PPP2CA: variants seen among roughly 807,000 people sequenced by gnomAD.
PPP2CA encodes the protein serine/threonine-protein phosphatase 2A catalytic subunit alpha isoform.
Under a neutral mutation model 38.8 loss-of-function variants are expected in PPP2CA, and 5 were observed. The observed-to-expected ratio is 0.13, with a 90% confidence interval of 0.07 to 0.27. The LOEUF is 0.27. PPP2CA is among the 10% of genes least tolerant of loss of function. The pLI, the probability that PPP2CA is intolerant of heterozygous loss-of-function variation, is 1.00. For missense variants in PPP2CA, 88 were observed against 389.7 expected (o/e 0.23, Z 6.52); for synonymous variants, 152 against 134.0 (o/e 1.13, Z -0.93).
chr5:134,200,413 A>G lies in PPP2CA; in HGVS notation c.660T>C (p.Phe220=). Residue 220 remains phenylalanine (F), a synonymous_variant, in exon 5 of 7, where the codon TTT becomes TTC. Coordinates refer to ENST00000481195, the MANE Select transcript of PPP2CA (RefSeq NM_002715.4). Reference sequence around the variant, plus strand: ...TAAATGTCTCAGAAATATCTTGCCCAAAGGTGTAACCAGCTCCTCGAGGAG... The same window carrying G: ...TAAATGTCTCAGAAATATCTTGCCCGAAGGTGTAACCAGCTCCTCGAGGAG... The part of the protein sequence containing the change: ...GISPRGAGYT[F]GQDISETFNH... 3.1e-6 allele frequency: 5 copies of G among 1,614,214 alleles called. No homozygotes were observed. The highest frequency in any genetic ancestry group is 4.2e-6 in the Non-Finnish European group (5 of 1,180,030).
At chr5:134,213,165 T>C (rs1157968742) in intron 1 of PPP2CA, among the ~76,000 whole-genome samples, 2 of 152,216 alleles carry the variant, frequency 1.3e-5, no homozygotes, top group Admixed American at 6.5e-5. Flanking sequence ...GAGAAGTCAA[T>C]GCCTGCCCTC....
chr5:134,197,590 G>GTGGTCACGGGTTTTT lies in PPP2CA; in HGVS notation c.*181_*182insAAAAACCCGTGACCA, dbSNP rs1478428828. On this transcript the variant is annotated 3_prime_UTR_variant, in exon 7 of 7. Coordinates refer to ENST00000481195, the MANE Select transcript of PPP2CA (RefSeq NM_002715.4). ...ATGCAATGAACTGGTTCATTCTAAA[G>GTGGTCACGGGTTTTT]TGGTCACGGCTGTTGATGACAAGAG... The GTGGTCACGGGTTTTT allele has an allele frequency of 1.7e-6, 1 of 580,826 alleles. No homozygotes were observed. The highest frequency in any genetic ancestry group is 2.2e-5 in the South Asian group (1 of 44,920). The allele number at this position is 580,826 out of a possible 1,614,324, so 36.0% of individuals were successfully genotyped here.
chr5:134,205,865 C>A, intron 2 of PPP2CA, 57 bp downstream of exon 2: 1 of 1,468,264 alleles, frequency 6.8e-7, no homozygotes, highest in Non-Finnish European at 9.4e-7. Flanking sequence ...GGAAAAAAAA[C>A]TTTCAAGAGG....
rs200618627 is a variant in PPP2CA at position 134,200,941 on chromosome 5, C to T, written c.576+44G>A. ...AACTTACAATTAAACTTCTCCACTCCCTAATAAGTTTTCTGAAAGAATTTT... is the reference window on the plus strand; with the variant it reads ...AACTTACAATTAAACTTCTCCACTCTCTAATAAGTTTTCTGAAAGAATTTT... On this transcript the variant is annotated intron_variant, in intron 4 of 6. Coordinates refer to ENST00000481195, the MANE Select transcript of PPP2CA (RefSeq NM_002715.4). 58 of 1,455,376 alleles carry T rather than the reference C, an allele frequency of 4.0e-5. No individual in the cohort carries two copies. In the Middle Eastern group the frequency reaches 1.2e-3, roughly 31 times the overall value. The allele number at this position is 1,455,376 out of a possible 1,614,324, so 90.2% of individuals were successfully genotyped here.
chr5:134,201,668 C>T (rs1761968933), intron 3 of PPP2CA, among the ~76,000 whole-genome samples, 180 bp downstream of exon 3: 1 of 152,092 alleles, frequency 6.6e-6, no homozygotes, highest in African/African-American at 2.4e-5. Context: ...GAATAATGCA[C>T]TTAAAAAAGT....
At chr5:134,203,539 T>C (rs1320663620) in intron 2 of PPP2CA, 1 of 152,250 alleles carries the variant, frequency 6.6e-6, no homozygotes, top group Non-Finnish European at 1.5e-5. Context: ...ATCTGTCTTA[T>C]CTTCTCCCCA....
intron 1 of PPP2CA, chr5:134,225,518 C>T: frequency 2.2e-6 from 1 of 447,632 alleles, no homozygotes; most frequent in Non-Finnish European, 4.0e-6. Flanking sequence ...GGCCGGCTGA[C>T]TCAAAAGCCC....
intron 1 of PPP2CA, among the ~76,000 whole-genome samples, chr5:134,212,778 C>CA (rs1189679954): frequency 6.6e-6 from 1 of 152,138 alleles, no homozygotes; most frequent in Non-Finnish European, 1.5e-5. Context: ...GTAAGTAAGC[C>CA]AAACAGTCTT....
chr5:134,202,593 T>A (rs1213962389), intron 2 of PPP2CA: 3 of 152,290 alleles, frequency 2.0e-5, no homozygotes, highest in Admixed American at 6.5e-5. Context: ...CTTCACTGTA[T>A]GGCTATACCA....
intron 2 of PPP2CA, among the ~76,000 whole-genome samples, chr5:134,203,281 G>C (rs1368596086): frequency 6.6e-6 from 1 of 152,106 alleles, no homozygotes; most frequent in African/African-American, 2.4e-5. Flanking sequence ...TGTAGCTTTA[G>C]CTCTTACATT....
chr5:134,201,003 T>A lies in PPP2CA; in HGVS notation c.558A>T (p.Leu186=). 1 of 1,610,842 alleles carries A rather than the reference T, an allele frequency of 6.2e-7. No homozygotes were observed. The highest frequency in any genetic ancestry group is 1.1e-5 in the South Asian group (1 of 91,028). Residue 186 remains leucine, a synonymous_variant, in exon 4 of 7, where the codon CTA becomes CTT. Transcript: ENST00000481195. ...GTCATACCTCATGGGGAACTTCTTG[T>A]AGGCGATCAAGTGCTCTGATATGAT... ...TLDHIRALDR[L]QEVPHEGPMC...
rs540656417 is a variant in PPP2CA, at chr5:134,207,305, T to C, written c.103-1174A>G. Among the ~76,000 whole-genome samples, 9 of 152,282 alleles carry C rather than the reference T, an allele frequency of 5.9e-5. No homozygotes were observed. The East Asian group carries it at 1.5e-3, about 26-fold the overall frequency. The stretch of plus-strand genomic sequence containing the variant: ...CTGTAGTACCAGCTACTTGGGAGGC[T>C]GAGGCAGGAGAATTGCTTAAACTTG... On this transcript the variant is annotated intron_variant, in intron 1 of 6. Coordinates refer to ENST00000481195, the MANE Select transcript of PPP2CA (RefSeq NM_002715.4).
rs773558643 is a variant in PPP2CA, at chr5:134,225,790, G to A, written c.72C>T (p.Ser24=). Residue 24 remains serine, a synonymous_variant, in exon 1 of 7, where the codon TCC becomes TCT. Coordinates refer to ENST00000481195, the MANE Select transcript of PPP2CA (RefSeq NM_002715.4). ...CGCAGAGGCTCTTGACCTGGGACTC[G>A]GACAGCTGCTTGCACTCGTTCAGCT... is the stretch of plus-strand genomic sequence containing the variant. The part of the protein sequence containing the change: ...IEQLNECKQL[S]ESQVKSLCEK... The A allele has an allele frequency of 7.5e-6, 12 of 1,610,588 alleles. No individual in the cohort carries two copies. The highest frequency in any genetic ancestry group is 9.3e-6 in the Non-Finnish European group (11 of 1,179,136).
At position 134,225,989 on chromosome 5, in the gene PPP2CA, C is replaced by A; in HGVS notation, c.-128G>T. The A allele has an allele frequency of 2.5e-6, 2 of 788,326 alleles. No individual in the cohort carries two copies. Among genetic ancestry groups the A allele is most frequent in the Non-Finnish European group, 2.0e-6 (1 of 506,698 alleles). The allele number at this position is 788,326 out of a possible 1,614,324, so 48.8% of individuals were successfully genotyped here. A position where few individuals can be genotyped will look rare whatever the true frequency, so the allele number is the denominator to read the frequency against. On this transcript the variant is annotated 5_prime_UTR_variant, in exon 1 of 7. Transcript: ENST00000481195. Reference sequence around the variant, plus strand: ...TGGCGGCTGTTGAGGCTGGCGCTGGCCCGCTGGCTCTCACCGCAGTACTCG... The same window carrying A: ...TGGCGGCTGTTGAGGCTGGCGCTGGACCGCTGGCTCTCACCGCAGTACTCG...
At chr5:134,208,686 T>C (rs60639874) in intron 1 of PPP2CA, among the ~76,000 whole-genome samples, 2,573 of 152,294 alleles carry the variant, frequency 0.017, 33 homozygotes, top group African/African-American at 0.038. Context: ...GAGGGGTATA[T>C]TGAATAGCTA....
At chr5:134,205,716 TCTC>T (rs1216097200) in intron 2 of PPP2CA, 4 of 506,032 alleles carry the variant, frequency 7.9e-6, no homozygotes, top group Non-Finnish European at 1.4e-5. Flanking sequence ...AGGCATTCAT[TCTC>T]CTCCTTTTGT....
intron 1 of PPP2CA, among the ~76,000 whole-genome samples, chr5:134,216,079 A>G (rs1476487648): frequency 2.0e-5 from 3 of 152,246 alleles, no homozygotes; most frequent in Non-Finnish European, 2.9e-5. Flanking sequence ...TTAGTCTCAA[A>G]AACAGTTAAT....
intron 2 of PPP2CA, among the ~76,000 whole-genome samples, chr5:134,203,018 A>G (rs1326300956): frequency 6.6e-6 from 1 of 152,094 alleles, no homozygotes; most frequent in African/African-American, 2.4e-5. Context: ...CTCATGTATC[A>G]TCTTCTTGGG....
At chr5:134,215,936 T>C (rs1762311009) in intron 1 of PPP2CA, among the ~76,000 whole-genome samples, 1 of 152,192 alleles carries the variant, frequency 6.6e-6, no homozygotes, top group Non-Finnish European at 1.5e-5. Flanking sequence ...ATTATGCCAT[T>C]CAACAGCAAG....
Sources: allele counts gnomAD v4.1 joint callset (sites outside exome capture counted in the v4.1 genomes callset), GRCh38; gene constraint gnomAD v4.1.1; transcripts MANE v1.5; gene names NCBI Gene and HGNC (gene_info 2026-07-23, HGNC 2026-07-21).